Variants in CDH23 observed in about 807,000 individuals in gnomAD.
CDH23 encodes cadherin-23.
In CDH23, 189 loss-of-function variants were observed where a neutral mutation model predicts 317.1. The observed-to-expected ratio is 0.60, with a 90% confidence interval of 0.53 to 0.67. The LOEUF (loss-of-function observed/expected upper bound fraction) is 0.67, where lower values mean the gene tolerates loss of function less well. CDH23 is among the 30% of genes least tolerant of loss of function. The pLI is 0.00. For synonymous variants in CDH23, 1,839 were observed against 1,876.8 expected (o/e 0.98, Z 0.52); for missense variants, 4,401 against 4,592.4 (o/e 0.96, Z 1.20).
chr10:71,812,256 G>A (rs773641661), intron 66 of CDH23: 25 of 1,599,122 alleles, frequency 1.6e-5, no homozygotes, highest in East Asian at 2.2e-5. Flanking sequence ...GTGGGTGCAG[G>A]GTGAAGCCTC....
At chr10:71,675,903 CTTTTTTTT>C (rs66656163) in intron 15 of CDH23, among the ~76,000 whole-genome samples, 4 of 120,878 alleles carry the variant, frequency 3.3e-5, no homozygotes, top group Non-Finnish European at 6.6e-5. Context: ...AGCCCTCTAA[CTTTTTTTT>C]TTTTTTTTTT....
intron 9 of CDH23, among the ~76,000 whole-genome samples, chr10:71,591,551 G>T (rs1478921304): frequency 6.6e-6 from 1 of 152,166 alleles, no homozygotes; most frequent in Non-Finnish European, 1.5e-5. Flanking sequence ...CATGGCTGAT[G>T]AACTGGTTCT....
At chr10:71,669,027 G>T (rs1331824344) in intron 14 of CDH23, among the ~76,000 whole-genome samples, 1 of 152,210 alleles carries the variant, frequency 6.6e-6, no homozygotes, top group African/African-American at 2.4e-5. Context: ...AGGCACTAGG[G>T]AGCAGCCAGT....
intron 23 of CDH23, 103 bp downstream of exon 23, chr10:71,702,314 T>C (rs1458367030): frequency 7.6e-7 from 1 of 1,311,028 alleles, no homozygotes; most frequent in Non-Finnish European, 1.1e-6. Context: ...GAGGTCTATG[T>C]CTGATCACCA....
chr10:71,605,987 C>T (rs77252019), intron 9 of CDH23, among the ~76,000 whole-genome samples: 4,073 of 152,292 alleles, frequency 0.027, 74 homozygotes, highest in Non-Finnish European at 0.044. Flanking sequence ...GACCAGGGGC[C>T]GCCTCTCTGA....
intron 8 of CDH23, among the ~76,000 whole-genome samples, chr10:71,574,206 G>A (rs372341674): frequency 1.3e-3 from 202 of 151,406 alleles, no homozygotes; most frequent in Non-Finnish European, 2.3e-3. Flanking sequence ...GCGGCTCACA[G>A]CATGTATGCC....
chr10:71,753,028 G>A (rs1465109328), intron 38 of CDH23: 1 of 1,610,118 alleles, frequency 6.2e-7, no homozygotes, highest in Admixed American at 1.7e-5. Flanking sequence ...CAGAGAAGCT[G>A]GTCATGGAAG....
intron 3 of CDH23, among the ~76,000 whole-genome samples, chr10:71,475,669 T>G (rs1176868907): frequency 1.3e-5 from 2 of 152,166 alleles, no homozygotes; most frequent in Non-Finnish European, 2.9e-5. Flanking sequence ...CCTGCTGGCT[T>G]TGCCTGAGCA....
At chr10:71,614,966 A>T (rs575292646) in intron 9 of CDH23, among the ~76,000 whole-genome samples, 61 of 152,348 alleles carry the variant, frequency 4.0e-4, no homozygotes, top group African/African-American at 1.4e-3. Context: ...GTACTTTTTT[A>T]AAATTATGTC....
intron 53 of CDH23, among the ~76,000 whole-genome samples, chr10:71,802,018 G>A (rs534506303): frequency 3.3e-5 from 5 of 152,288 alleles, no homozygotes; most frequent in South Asian, 4.1e-4. Flanking sequence ...TTAAAGTCAC[G>A]GCTGCTGGCC....
intron 3 of CDH23, among the ~76,000 whole-genome samples, chr10:71,484,259 C>G (rs78450521): frequency 3.6e-3 from 551 of 152,324 alleles, no homozygotes; most frequent in African/African-American, 0.013. Context: ...AGCAATTTGC[C>G]GTGGCGAGGT....
chr10:71,571,120 C>T (rs1857774099), intron 8 of CDH23, among the ~76,000 whole-genome samples: 1 of 152,236 alleles, frequency 6.6e-6, no homozygotes, highest in Non-Finnish European at 1.5e-5. Flanking sequence ...CCCTCTCACT[C>T]TACCCAAGGG....
At chr10:71,628,915 T>C (rs1426129209) in intron 11 of CDH23, among the ~76,000 whole-genome samples, 1 of 152,212 alleles carries the variant, frequency 6.6e-6, no homozygotes, top group Non-Finnish European at 1.5e-5. Context: ...ACGGATGATA[T>C]CTTTGCTCTT....
chr10:71,443,881 T>G (rs1247401035), intron 2 of CDH23, among the ~76,000 whole-genome samples: 1 of 152,282 alleles, frequency 6.6e-6, no homozygotes, highest in Non-Finnish European at 1.5e-5. Context: ...ACACAGGTCC[T>G]GTTTGGTATG....
At chr10:71,476,166 C>T (rs1016676711) in intron 3 of CDH23, among the ~76,000 whole-genome samples, 21 of 152,136 alleles carry the variant, frequency 1.4e-4, no homozygotes, top group African/African-American at 4.8e-4. Context: ...GGGGAGTTTT[C>T]CTTCCCCCTC....
intron 1 of CDH23, among the ~76,000 whole-genome samples, chr10:71,435,606 A>G (rs916409624): frequency 1.4e-4 from 21 of 152,174 alleles, no homozygotes; most frequent in Non-Finnish European, 2.8e-4. Context: ...TCTGGCACCT[A>G]TCCCAGGTCC....
intron 38 of CDH23, among the ~76,000 whole-genome samples, chr10:71,775,352 G>A (rs902288743): frequency 6.6e-6 from 1 of 152,112 alleles, no homozygotes; most frequent in Admixed American, 6.5e-5. Flanking sequence ...CTAGCAGCCG[G>A]GGAGGGCCTG....
chr10:71,474,740 A>T (rs1002359360), intron 3 of CDH23, among the ~76,000 whole-genome samples: 2 of 152,184 alleles, frequency 1.3e-5, no homozygotes, highest in Non-Finnish European at 2.9e-5. Context: ...TTCTTAAGAG[A>T]ACTTACTTGT....
intron 9 of CDH23, among the ~76,000 whole-genome samples, chr10:71,590,177 A>G (rs756488555): frequency 5.3e-5 from 8 of 152,242 alleles, no homozygotes; most frequent in African/African-American, 9.6e-5. Flanking sequence ...AAATGCTCTG[A>G]GTCAATTAAC....
Sources: gnomAD v4.1 joint callset for allele counts (sites outside exome capture counted in the v4.1 genomes callset) on GRCh38, gnomAD v4.1.1 for gene constraint, MANE v1.5 for transcripts, NCBI Gene and HGNC (gene_info 2026-07-23, HGNC 2026-07-21) for gene names.